Variants in PRRC2B observed in about 807,000 individuals in gnomAD.
PRRC2B encodes the protein proline rich coiled-coil 2B.
A neutral mutation model predicts 242.3 loss-of-function variants in PRRC2B; 68 were observed. The ratio of observed to expected loss-of-function variants is 0.28; its 90% CI spans 0.23 to 0.34. PRRC2B has a LOEUF of 0.34. PRRC2B is among the 10% of genes least tolerant of loss of function. The probability of loss-of-function intolerance (pLI) is 1.00; values close to 1 mark genes in which losing one functional copy is unlikely to be tolerated. For missense variants in PRRC2B, 2,835 were observed against 2,954.8 expected (o/e 0.96, Z 0.94); for synonymous variants, 1,228 against 1,173.6 (o/e 1.05, Z -0.95).
At chr9:131,383,690 C>T (rs936104812) in intron 1 of PRRC2B, among the ~76,000 whole-genome samples, 2 of 146,756 alleles carry the variant, frequency 1.4e-5, no homozygotes, top group Non-Finnish European at 3.0e-5. Context: ...GGCTCGATCT[C>T]GGCTTACTGC....
intron 12 of PRRC2B, among the ~76,000 whole-genome samples, chr9:131,465,692 T>G (rs1943376796): frequency 6.6e-6 from 1 of 152,214 alleles, no homozygotes; most frequent in Admixed American, 6.5e-5. Context: ...GTAGAATACA[T>G]TTTTTCCTGG....
At chr9:131,477,686 G>C in intron 16 of PRRC2B, 58 bp from the exon 17 acceptor site, 1 of 1,029,786 alleles carries the variant, frequency 9.7e-7, no homozygotes, top group Non-Finnish European at 1.5e-6. Context: ...CTGTGTGCAC[G>C]TGCGGTGTTT....
At chr9:131,415,124 G>C (rs1837612592) in intron 1 of PRRC2B, among the ~76,000 whole-genome samples, 1 of 152,096 alleles carries the variant, frequency 6.6e-6, no homozygotes, top group Admixed American at 6.6e-5. Context: ...CTCCTGAGTA[G>C]CTGGGACTAC....
intron 13 of PRRC2B, among the ~76,000 whole-genome samples, chr9:131,468,207 A>T (rs1003368276): frequency 6.6e-6 from 1 of 152,220 alleles, no homozygotes; most frequent in Admixed American, 6.5e-5. Context: ...CAAGAGAGGC[A>T]CGTCACCTTT....
At chr9:131,442,824 A>G (rs189281142) in intron 5 of PRRC2B, among the ~76,000 whole-genome samples, 417 of 152,342 alleles carry the variant, frequency 2.7e-3, no homozygotes, top group Non-Finnish European at 5.3e-3. Context: ...CTGTTCATCC[A>G]AAAATGGTGG....
At position 131,487,105 on chromosome 9, in the gene PRRC2B, G is replaced by T; in HGVS notation, c.5857-62G>T. On this transcript the variant is annotated intron_variant, in intron 26 of 31. Transcript: ENST00000683519. The surrounding 1 kb of genome is among the most constrained non-coding windows in gnomAD (Gnocchi z 5.3). ...GTGGAGAGGGGCAGGGGAGGTGGGA[G>T]GGGAAGAACCACCTGGATGGGCCTT... 1 of 1,537,578 alleles carries T rather than the reference G, an allele frequency of 6.5e-7. No individual in the cohort carries two copies.
chr9:131,386,781 C>T (rs1291022702), intron 1 of PRRC2B, among the ~76,000 whole-genome samples: 1 of 149,420 alleles, frequency 6.7e-6, no homozygotes, highest in Non-Finnish European at 1.5e-5. Context: ...TATTAGGGTT[C>T]TCTTAGAGGG....
At chr9:131,412,466 A>ATGTG (rs1837531030) in intron 1 of PRRC2B, among the ~76,000 whole-genome samples, 1 of 151,228 alleles carries the variant, frequency 6.6e-6, no homozygotes, top group African/African-American at 2.5e-5. Context: ...CAGTGCGGGT[A>ATGTG]TGTGCGTGCG....
At position 131,496,630 on chromosome 9, in the gene PRRC2B, G is replaced by GT. The variant is rs928134174; in HGVS notation, c.*756_*757insT. On this transcript the variant is annotated 3_prime_UTR_variant, in exon 32 of 32. Transcript: ENST00000683519. ...AGAGCAGCAGGCAGGTTGGGGGAGG[G>GT]GGGGGGTCATAGTTGGGTTCCAGCT... 1.1e-4 allele frequency: 17 copies of GT among 151,206 alleles called. No individual in the cohort carries two copies. The highest frequency in any genetic ancestry group is 3.9e-4 in the African/African-American group (16 of 41,216). 9.4% of individuals were successfully genotyped at this position (151,206 alleles called of 1,614,324 possible). A position where few individuals can be genotyped will look rare whatever the true frequency, so the allele number is the denominator to read the frequency against.
intron 2 of PRRC2B, among the ~76,000 whole-genome samples, chr9:131,430,878 C>T (rs1838144811): frequency 6.6e-6 from 1 of 151,948 alleles, no homozygotes; most frequent in Non-Finnish European, 1.5e-5. Context: ...CAGGTGTGAG[C>T]CACTGTGCCT....
intron 1 of PRRC2B, among the ~76,000 whole-genome samples, chr9:131,408,539 T>A (rs1837426890): frequency 6.6e-6 from 1 of 152,226 alleles, no homozygotes; most frequent in Non-Finnish European, 1.5e-5. Context: ...ATGTATATTT[T>A]TAGAAAGATG....
At chr9:131,455,380 C>A (rs1229908997) in intron 10 of PRRC2B, among the ~76,000 whole-genome samples, 1 of 152,058 alleles carries the variant, frequency 6.6e-6, no homozygotes, top group African/African-American at 2.4e-5. Context: ...TAGTCGGCCT[C>A]TTCACCACTG....
At chr9:131,478,072 CCCTGGGCTGGGTTCTGGGG>C (rs1943755468) in intron 17 of PRRC2B, 123 bp downstream of exon 17, 1 of 820,074 alleles carries the variant, frequency 1.2e-6, no homozygotes, top group African/African-American at 1.7e-5. Context: ...CTCGGCCAGG[CCCTGGGCTGGGTTCTGGGG>C]CTGTAGAGGT....
chr9:131,469,288 C>T lies in PRRC2B; in HGVS notation c.1912-1500C>T, dbSNP rs565852538. On this transcript the variant is annotated intron_variant, in intron 13 of 31. Transcript: ENST00000683519. The stretch of plus-strand genomic sequence containing the variant: ...GGTGGAGGTTGCAGTGAGCCGTGGT[C>T]GCACCACTGCCTTCCAGCCTGGGTG... Among the ~76,000 whole-genome samples, 17 of 152,202 alleles carry T rather than the reference C, an allele frequency of 1.1e-4. No homozygotes were observed. In the South Asian group the frequency reaches 2.5e-3, roughly 22 times the overall value.
At chr9:131,467,399 G>A (rs1371865462) in intron 12 of PRRC2B, among the ~76,000 whole-genome samples, 164 bp from the exon 13 acceptor site, 2 of 152,186 alleles carry the variant, frequency 1.3e-5, no homozygotes, top group Non-Finnish European at 2.9e-5. Context: ...GAGTCCCTGA[G>A]CTTGTGTACG....
At chr9:131,449,961 G>A (rs548383388) in intron 9 of PRRC2B, among the ~76,000 whole-genome samples, 13 of 152,270 alleles carry the variant, frequency 8.5e-5, no homozygotes, top group African/African-American at 2.6e-4. Flanking sequence ...CACAACATTT[G>A]TTGATAAGAC....
At chr9:131,467,473 C>A in intron 12 of PRRC2B, 90 bp from the exon 13 acceptor site, 2 of 1,172,406 alleles carry the variant, frequency 1.7e-6, no homozygotes, top group Non-Finnish European at 2.4e-6. Context: ...AGCGTACGGG[C>A]CAACAGGAAG....
chr9:131,420,476 T>TCTTCCTTC (rs1837788542), intron 1 of PRRC2B, among the ~76,000 whole-genome samples: 1 of 13,016 alleles, frequency 7.7e-5, no homozygotes, highest in Non-Finnish European at 2.4e-4. Context: ...TTTCTTTCTT[T>TCTTCCTTC]CTTTCTTTCT....
At chr9:131,472,640 C>A (rs1943579568) in intron 14 of PRRC2B, among the ~76,000 whole-genome samples, 2 of 151,974 alleles carry the variant, frequency 1.3e-5, no homozygotes. Flanking sequence ...CCATGCCTGG[C>A]TGATTTTTTT....
Sources: gnomAD v4.1 joint callset for allele counts (sites outside exome capture counted in the v4.1 genomes callset) on GRCh38, gnomAD v4.1.1 for gene constraint, Gnocchi (gnomAD v3.1) non-coding constraint, MANE v1.5 for transcripts, NCBI Gene and HGNC (gene_info 2026-07-23, HGNC 2026-07-21) for gene names.